The following SLC24A3 variants were observed in gnomAD, a reference collection of about 807,000 sequenced individuals.
The protein encoded by SLC24A3 is solute carrier family 24 member 3, also known as sodium/potassium/calcium exchanger 3.
Under a neutral mutation model 75.8 loss-of-function variants are expected in SLC24A3, and 28 were observed. The observed-to-expected ratio is 0.37, with a 90% confidence interval of 0.27 to 0.51. The LOEUF is 0.51. Among genes scored for constraint, SLC24A3 ranks in the 20% least tolerant of loss-of-function variants. The probability of loss-of-function intolerance (pLI) is 0.94; values close to 1 mark genes in which losing one functional copy is unlikely to be tolerated. For missense variants in SLC24A3, 663 were observed against 847.8 expected, an observed-to-expected ratio of 0.78 and a Z score of 2.71; for synonymous variants, 372 against 334.1, an observed-to-expected ratio of 1.11 and a Z score of -1.24.
intron 2 of SLC24A3, among the ~76,000 whole-genome samples, chr20:19,371,212 A>G (rs2122356657): frequency 6.6e-6 from 1 of 152,270 alleles, no homozygotes; most frequent in East Asian, 1.9e-4. Context: ...GGGAGGGAGC[A>G]GGGTACATAT....
chr20:19,664,854 G>A lies in SLC24A3; in HGVS notation c.688-1010G>A, dbSNP rs545779331. 8.5e-5 allele frequency among the ~76,000 whole-genome samples: 13 copies of A among 152,250 alleles called. 1 individual carries two copies. The highest frequency in any genetic ancestry group is 3.4e-3 in the Middle Eastern group (1 of 294). On this transcript the variant is annotated intron_variant, in intron 7 of 16. Transcript: ENST00000328041. ...AATATAGGTGTACTCATTTGGTTTC[G>A]GCAACATGTCATCAGCCATGTGTGT...
At chr20:19,567,343 A>T (rs564372977) in intron 3 of SLC24A3, among the ~76,000 whole-genome samples, 9 of 152,358 alleles carry the variant, frequency 5.9e-5, no homozygotes, top group African/African-American at 1.9e-4. Flanking sequence ...CTACACAGCC[A>T]TAAAAAAGAA....
At chr20:19,387,420 T>C (rs1230237439) in intron 2 of SLC24A3, among the ~76,000 whole-genome samples, 1 of 152,192 alleles carries the variant, frequency 6.6e-6, no homozygotes, top group Non-Finnish European at 1.5e-5. Context: ...AAAGTTAGTC[T>C]ATTTGAGATC....
chr20:19,689,450 C>G (rs567185153), intron 12 of SLC24A3, among the ~76,000 whole-genome samples: 2 of 152,346 alleles, frequency 1.3e-5, no homozygotes, highest in Non-Finnish European at 2.9e-5. Flanking sequence ...CAGTTGCTGG[C>G]TGACTTTTGT....
intron 4 of SLC24A3, among the ~76,000 whole-genome samples, chr20:19,582,527 A>G (rs539515607): frequency 5.5e-4 from 84 of 152,230 alleles, no homozygotes; most frequent in Non-Finnish European, 1.0e-3. Flanking sequence ...GAGAAAGAGA[A>G]GGAGATAAAG....
rs184568028 is a variant in SLC24A3, at chr20:19,722,726, G to A, written c.*1586G>A. Reference sequence around the variant, plus strand: ...GGTTGAATGTTTCTGTCTGTGGTGCGAACCAGCATTAACGGATGGGGCACG... The same window carrying A: ...GGTTGAATGTTTCTGTCTGTGGTGCAAACCAGCATTAACGGATGGGGCACG... On this transcript the variant is annotated 3_prime_UTR_variant, in exon 17 of 17. Coordinates refer to ENST00000328041, the MANE Select transcript of SLC24A3 (RefSeq NM_020689.4). The A allele has an allele frequency of 1.8e-4, 27 of 152,722 alleles. No homozygotes were observed. The highest frequency in any genetic ancestry group is 3.6e-4 in the African/African-American group (15 of 41,548). The allele number at this position is 152,722 out of a possible 1,614,324, so 9.5% of individuals were successfully genotyped here.
chr20:19,325,787 TATATATATAGAGAG>T lies in SLC24A3; in HGVS notation c.271+44702_271+44715del, dbSNP rs1207004103. Among the ~76,000 whole-genome samples the T allele has an allele frequency of 9.4e-5, 9 of 95,358 alleles. No homozygotes were observed. In the East Asian group the frequency reaches 1.1e-3, roughly 11 times the overall value. The allele number at this position is 95,358 out of a possible 152,430, so 62.6% of individuals were successfully genotyped here. A position where few individuals can be genotyped will look rare whatever the true frequency, so the allele number is the denominator to read the frequency against. On this transcript the variant is annotated intron_variant, in intron 2 of 16. Coordinates refer to ENST00000328041, the MANE Select transcript of SLC24A3 (RefSeq NM_020689.4). ...ATACATATATATATACATATATATA[TATATATATAGAGAG>T]AGAGAGAGAGAGAGAGAGAGAGAGA...
At chr20:19,452,276 G>A (rs537792836) in intron 2 of SLC24A3, among the ~76,000 whole-genome samples, 15 of 152,268 alleles carry the variant, frequency 9.9e-5, no homozygotes, top group East Asian at 7.7e-4. Flanking sequence ...CTATCTAGCC[G>A]TCAGGCTCCG....
At chr20:19,570,123 G>T (rs548880581) in intron 3 of SLC24A3, among the ~76,000 whole-genome samples, 2 of 152,258 alleles carry the variant, frequency 1.3e-5, no homozygotes, top group African/African-American at 4.8e-5. Flanking sequence ...TTCTGCTTCT[G>T]GGGAGACCTC....
At chr20:19,216,030 T>C (rs1194106900) in intron 1 of SLC24A3, among the ~76,000 whole-genome samples, 1 of 152,202 alleles carries the variant, frequency 6.6e-6, no homozygotes, top group African/African-American at 2.4e-5. Flanking sequence ...TCCCACCTTA[T>C]AGGTATTGCT....
intron 2 of SLC24A3, among the ~76,000 whole-genome samples, chr20:19,369,289 C>A (rs1253554752): frequency 6.6e-6 from 1 of 152,182 alleles, no homozygotes; most frequent in Non-Finnish European, 1.5e-5. Context: ...AGTGTCCTGT[C>A]AAAAATGCAG....
chr20:19,676,831 G>C (rs1224185221), intron 9 of SLC24A3, among the ~76,000 whole-genome samples: 1 of 152,158 alleles, frequency 6.6e-6, no homozygotes, highest in Non-Finnish European at 1.5e-5. Flanking sequence ...CCCCAGATGG[G>C]GTATGTGTGC....
chr20:19,710,268 T>C (rs752097346), intron 15 of SLC24A3, among the ~76,000 whole-genome samples: 2 of 152,188 alleles, frequency 1.3e-5, no homozygotes, highest in Non-Finnish European at 2.9e-5. Flanking sequence ...TCAGAATCTT[T>C]TAGGGTGGGG....
intron 2 of SLC24A3, among the ~76,000 whole-genome samples, chr20:19,442,801 A>G (rs543588915): frequency 2.6e-5 from 4 of 152,210 alleles, no homozygotes; most frequent in Admixed American, 6.5e-5. Flanking sequence ...CTCTTATGTT[A>G]TCTTCCAGAG....
At chr20:19,598,392 G>A (rs548448068) in intron 6 of SLC24A3, among the ~76,000 whole-genome samples, 7 of 152,210 alleles carry the variant, frequency 4.6e-5, no homozygotes, top group Non-Finnish European at 7.4e-5. Flanking sequence ...CCACGTGTCC[G>A]GCTTTCACTG....
intron 2 of SLC24A3, among the ~76,000 whole-genome samples, chr20:19,337,726 G>T (rs1190240508): frequency 6.6e-6 from 1 of 152,154 alleles, no homozygotes; most frequent in East Asian, 1.9e-4. Context: ...CCATAGGTCA[G>T]CTGGGCAGTT....
At chr20:19,367,693 A>G (rs772728925) in intron 2 of SLC24A3, among the ~76,000 whole-genome samples, 18 of 152,290 alleles carry the variant, frequency 1.2e-4, no homozygotes, top group Middle Eastern at 3.4e-3. Flanking sequence ...GGGAATGAGC[A>G]TTAGTTAATT....
At chr20:19,498,891 T>C (rs1385855930) in intron 2 of SLC24A3, among the ~76,000 whole-genome samples, 1 of 152,208 alleles carries the variant, frequency 6.6e-6, no homozygotes, top group Non-Finnish European at 1.5e-5. Context: ...TATGATTTCC[T>C]CCTGGCACTC....
intron 3 of SLC24A3, among the ~76,000 whole-genome samples, chr20:19,542,101 A>G (rs1418186205): frequency 6.6e-6 from 1 of 152,210 alleles, no homozygotes; most frequent in Non-Finnish European, 1.5e-5. Context: ...AAGGGGAGAG[A>G]TAGCAGGTGG....
Sources: allele counts gnomAD v4.1 joint callset (sites outside exome capture counted in the v4.1 genomes callset), GRCh38; gene constraint gnomAD v4.1.1; transcripts MANE v1.5; gene names NCBI Gene and HGNC (gene_info 2026-07-23, HGNC 2026-07-21).